The following INPP4B variants were observed in gnomAD, a reference collection of about 807,000 sequenced individuals.
INPP4B encodes inositol polyphosphate 4-phosphatase type II.
INPP4B carries 55 observed loss-of-function variants against 122.5 expected under a neutral mutation model. The observed-to-expected ratio is 0.45, with a 90% confidence interval of 0.36 to 0.56. The LOEUF (loss-of-function observed/expected upper bound fraction) is 0.56. Among genes scored for constraint, INPP4B ranks in the 20% least tolerant of loss-of-function variants. The probability of loss-of-function intolerance (pLI) is 0.00; values close to 1 mark genes in which losing one functional copy is unlikely to be tolerated. For missense variants in INPP4B, 1,000 were observed against 1,097.7 expected, an observed-to-expected ratio of 0.91 and a Z score of 1.26; for synonymous variants, 403 against 388.7, an observed-to-expected ratio of 1.04 and a Z score of -0.43.
At chr4:142,650,120 T>C (rs1400889613) in intron 2 of INPP4B, among the ~76,000 whole-genome samples, 2 of 152,136 alleles carry the variant, frequency 1.3e-5, no homozygotes, top group Non-Finnish European at 2.9e-5. Context: ...CAAACTAAGC[T>C]TCATAAGAGA....
intron 2 of INPP4B, among the ~76,000 whole-genome samples, chr4:142,667,369 T>G (rs892811258): frequency 7.9e-5 from 12 of 152,196 alleles, no homozygotes; most frequent in African/African-American, 2.9e-4. Context: ...TACCTCTTGA[T>G]GCTAGCAGAA....
chr4:142,522,022 C>T (rs1229437535), intron 2 of INPP4B, among the ~76,000 whole-genome samples: 1 of 152,032 alleles, frequency 6.6e-6, no homozygotes, highest in African/African-American at 2.4e-5. Flanking sequence ...AGAATCTTGC[C>T]CTGTCACTTG....
At chr4:142,120,853 T>C (rs1796258946) in intron 21 of INPP4B, among the ~76,000 whole-genome samples, 1 of 152,122 alleles carries the variant, frequency 6.6e-6, no homozygotes, top group African/African-American at 2.4e-5. Flanking sequence ...ATTCTGTTTA[T>C]CCTAAAATGG....
chr4:142,836,276 AACAC>A (rs137941672), intron 1 of INPP4B, among the ~76,000 whole-genome samples: 5 of 151,786 alleles, frequency 3.3e-5, no homozygotes, highest in Non-Finnish European at 7.4e-5. Context: ...GGGGCACACA[AACAC>A]ACACACACAT....
intron 2 of INPP4B, among the ~76,000 whole-genome samples, chr4:142,594,041 C>G (rs1160285798): frequency 6.6e-6 from 1 of 152,022 alleles, no homozygotes; most frequent in Non-Finnish European, 1.5e-5. Flanking sequence ...ATAAATTGAA[C>G]TAGTTATGAT....
intron 2 of INPP4B, among the ~76,000 whole-genome samples, chr4:142,527,797 T>G (rs1035799385): frequency 3.9e-5 from 6 of 152,066 alleles, no homozygotes; most frequent in African/African-American, 1.2e-4. Context: ...GTCAAGGCAA[T>G]TCTTACTACA....
chr4:142,124,404 T>G (rs1042712768), intron 19 of INPP4B, among the ~76,000 whole-genome samples, 184 bp downstream of exon 19: 5 of 152,112 alleles, frequency 3.3e-5, no homozygotes, highest in Non-Finnish European at 7.4e-5. Context: ...ATACTTAAGG[T>G]CTCATAAACT....
At chr4:142,368,667 A>G (rs1177593067) in intron 7 of INPP4B, among the ~76,000 whole-genome samples, 1 of 152,054 alleles carries the variant, frequency 6.6e-6, no homozygotes, top group Non-Finnish European at 1.5e-5. Flanking sequence ...GTTTGTATAA[A>G]CTGTTATGGG....
intron 17 of INPP4B, among the ~76,000 whole-genome samples, chr4:142,147,906 G>A (rs1435511867): frequency 6.6e-6 from 1 of 152,120 alleles, no homozygotes; most frequent in Non-Finnish European, 1.5e-5. Context: ...GGAGAGCTAA[G>A]GAAGCTCATT....
intron 2 of INPP4B, among the ~76,000 whole-genome samples, chr4:142,610,349 C>T (rs958737551): frequency 6.6e-6 from 1 of 152,156 alleles, no homozygotes; most frequent in Non-Finnish European, 1.5e-5. Flanking sequence ...ATAAATTACT[C>T]AGTCTTGGCT....
intron 9 of INPP4B, among the ~76,000 whole-genome samples, chr4:142,278,542 G>C (rs1052341030): frequency 6.6e-6 from 1 of 151,832 alleles, no homozygotes; most frequent in African/African-American, 2.4e-5. Flanking sequence ...AACTATGAGG[G>C]GCAAAAAGTT....
intron 2 of INPP4B, among the ~76,000 whole-genome samples, chr4:142,526,523 C>T (rs906387373): frequency 3.9e-5 from 6 of 152,012 alleles, no homozygotes; most frequent in African/African-American, 1.4e-4. Flanking sequence ...TGAGCCGTGG[C>T]TACAGGATCA....
rs1402878327 is a variant in INPP4B at position 142,137,328 on chromosome 4, C to A, written c.1720+8512G>T. 2.9e-5 allele frequency among the ~76,000 whole-genome samples: 4 copies of A among 139,734 alleles called. No individual in the cohort carries two copies. The Admixed American group carries it at 3.0e-4, about 10-fold the overall frequency. 91.7% of individuals were successfully genotyped at this position (139,734 alleles called of 152,430 possible). On this transcript the variant is annotated intron_variant, in intron 18 of 25. Transcript: ENST00000262992. The stretch of plus-strand genomic sequence containing the variant: ...AAATGGTGCTGGGAAAACTGGCTAG[C>A]CATATGTAGAAAGCTGAAACTGGAT...
In INPP4B at chr4:142,160,549, C is replaced by T; in HGVS notation, c.1372G>A (p.Val458Ile). 1.3e-6 allele frequency: 2 copies of T among 1,593,584 alleles called. No individual in the cohort carries two copies. Among genetic ancestry groups the T allele is most frequent in the Non-Finnish European group, 1.7e-6 (2 of 1,164,186 alleles). The change falls in exon 17 of 26, where the codon GTA (valine) becomes ATA (isoleucine). Residue 458 changes from valine to isoleucine, a missense_variant. Val to Ile is a conservative substitution (Grantham distance 29). Coordinates refer to ENST00000262992, the MANE Select transcript of INPP4B (RefSeq NM_001101669.3). ...ACAAGTTGATCCTTGAAGGCATGTA[C>T]AAAAAGCTCTGTCTGGAAAGAAATT... ...KMLSEKTELF[V>I]HAFKDQLVRS... is the part of the protein sequence containing the mutation.
intron 18 of INPP4B, among the ~76,000 whole-genome samples, chr4:142,134,013 T>A (rs1471817233): frequency 6.6e-6 from 1 of 152,228 alleles, no homozygotes; most frequent in East Asian, 1.9e-4. Context: ...CCCTATTTCT[T>A]GTGTTACTTT....
At chr4:142,155,823 A>G (rs1303391722) in intron 17 of INPP4B, among the ~76,000 whole-genome samples, 1 of 151,900 alleles carries the variant, frequency 6.6e-6, no homozygotes, top group African/African-American at 2.4e-5. Context: ...GTATTGAGTT[A>G]CAGAATGGCC....
chr4:142,788,315 C>T (rs1307675205), intron 1 of INPP4B, among the ~76,000 whole-genome samples: 1 of 151,706 alleles, frequency 6.6e-6, no homozygotes, highest in Non-Finnish European at 1.5e-5. Flanking sequence ...TTAAAAAATG[C>T]TCATATAAAA....
chr4:142,826,706 C>T (rs1030719639), intron 1 of INPP4B, among the ~76,000 whole-genome samples: 5 of 152,130 alleles, frequency 3.3e-5, no homozygotes, highest in Admixed American at 2.6e-4. Flanking sequence ...TCACAGCCAG[C>T]TAAGCCTGTG....
chr4:142,842,095 A>G (rs571188490), intron 1 of INPP4B, among the ~76,000 whole-genome samples: 9 of 151,892 alleles, frequency 5.9e-5, no homozygotes, highest in African/African-American at 2.2e-4. Context: ...AAAGAAATGT[A>G]TAACCAAAAC....
Sources: allele counts gnomAD v4.1 joint callset (sites outside exome capture counted in the v4.1 genomes callset), GRCh38; gene constraint gnomAD v4.1.1; transcripts MANE v1.5; gene names NCBI Gene and HGNC (gene_info 2026-07-23, HGNC 2026-07-21).